YY1: variants seen among roughly 807,000 people sequenced by gnomAD.
YY1 encodes YY1 transcription factor.
YY1 carries 2 observed loss-of-function variants against 35.6 expected under a neutral mutation model. The observed-to-expected ratio is 0.06, with a 90% CI of 0.02 to 0.18. The LOEUF is 0.18. Among genes scored for constraint, YY1 ranks in the 10% least tolerant of loss-of-function variants. The pLI is 1.00. For missense variants in YY1, 322 were observed against 573.4 expected (o/e 0.56, Z 4.48); for synonymous variants, 268 against 238.9 (o/e 1.12, Z -1.12).
At chr14:100,257,336 A>G (rs1026154267) in intron 1 of YY1, among the ~76,000 whole-genome samples, 10 of 152,272 alleles carry the variant, frequency 6.6e-5, no homozygotes, top group Non-Finnish European at 4.4e-5. Flanking sequence ...GAGGCCCTCA[A>G]TATGTGTAGA....
chr14:100,245,187 C>T (rs1041319794), intron 1 of YY1, among the ~76,000 whole-genome samples: 12 of 152,188 alleles, frequency 7.9e-5, no homozygotes, highest in Non-Finnish European at 1.5e-4. Flanking sequence ...CCGCCTGCCT[C>T]GGCCTCCCAA....
intron 1 of YY1, among the ~76,000 whole-genome samples, chr14:100,241,597 T>G (rs138837063): frequency 6.6e-6 from 1 of 152,320 alleles, no homozygotes; most frequent in Non-Finnish European, 1.5e-5. Context: ...ACATGAATAC[T>G]TTAGTACTTA....
At chr14:100,265,656 T>TA (rs1409516087) in intron 2 of YY1, among the ~76,000 whole-genome samples, 1 of 149,180 alleles carries the variant, frequency 6.7e-6, no homozygotes, top group East Asian at 2.0e-4. Context: ...GCTTTTTTTT[T>TA]TTTTTTTTTT....
intron 1 of YY1, among the ~76,000 whole-genome samples, chr14:100,248,121 CTTT>C (rs10694000): frequency 2.5e-5 from 3 of 117,652 alleles, no homozygotes; most frequent in African/African-American, 3.4e-5. Flanking sequence ...ATTTTTTTTT[CTTT>C]TTTTTTTTTT....
rs907070162 is a variant in YY1, at chr14:100,277,296, G to T, written c.1063-122G>T. 1.3e-5 allele frequency: 16 copies of T among 1,244,260 alleles called. No homozygotes were observed. In the African/African-American group the frequency reaches 2.1e-4, roughly 16 times the overall value. 77.1% of individuals were successfully genotyped at this position (1,244,260 alleles called of 1,614,324 possible). A position where few individuals can be genotyped will look rare whatever the true frequency, so the allele number is the denominator to read the frequency against. ...GACTATATCCACAAAGTTCACCCAGGGCAGGAATGAAAAGTGTTTGGTAAA... is the reference window on the plus strand; with the variant it reads ...GACTATATCCACAAAGTTCACCCAGTGCAGGAATGAAAAGTGTTTGGTAAA... On this transcript the variant is annotated intron_variant, in intron 4 of 4. Coordinates refer to ENST00000262238, the MANE Select transcript of YY1 (RefSeq NM_003403.5). This position sits in a 1 kb window ranked among gnomAD's most constrained non-coding sequence, Gnocchi z 5.6.
At chr14:100,269,387 G>C (rs1891201365) in intron 2 of YY1, among the ~76,000 whole-genome samples, 1 of 152,150 alleles carries the variant, frequency 6.6e-6, no homozygotes, top group Admixed American at 6.5e-5. Flanking sequence ...TCACCTCCAA[G>C]TCACACATCC....
chr14:100,247,685 T>C (rs1339789228), intron 1 of YY1, among the ~76,000 whole-genome samples: 2 of 152,224 alleles, frequency 1.3e-5, no homozygotes, highest in Non-Finnish European at 2.9e-5. Flanking sequence ...CACCTTTTCA[T>C]GTGTGATGGA....
chr14:100,275,435 C>G (rs1891304081), intron 3 of YY1, among the ~76,000 whole-genome samples: 1 of 152,122 alleles, frequency 6.6e-6, no homozygotes, highest in South Asian at 2.1e-4. Context: ...CCTTCCTGTT[C>G]TTTGTCAGCG....
At chr14:100,272,954 G>GTTGTTTTTTTT (rs34406679) in intron 2 of YY1, among the ~76,000 whole-genome samples, 1 of 141,202 alleles carries the variant, frequency 7.1e-6, no homozygotes, top group Non-Finnish European at 1.5e-5. Flanking sequence ...GTTTTTTGTT[G>GTTGTTTTTTTT]TTTTTTTTTT....
Position 100,280,844 on chromosome 14 carries a change from A to C in YY1, c.*3244A>C, listed in dbSNP as rs1595337480. 1 of 152,118 alleles carries C rather than the reference A, an allele frequency of 6.6e-6. No individual in the cohort carries two copies. The allele number at this position is 152,118 out of a possible 1,614,324, so 9.4% of individuals were successfully genotyped here. A position where few individuals can be genotyped will look rare whatever the true frequency, so the allele number is the denominator to read the frequency against. ...CACGTCCGTTTGCACTCTGCCTTGC[A>C]AAACTTACTGTGGAGACGTGTCCCA... On this transcript the variant is annotated 3_prime_UTR_variant, in exon 5 of 5. Coordinates refer to ENST00000262238, the MANE Select transcript of YY1 (RefSeq NM_003403.5).
rs1891427572 is a variant in YY1, at chr14:100,281,400, C to T, written c.*3800C>T. On this transcript the variant is annotated 3_prime_UTR_variant, in exon 5 of 5. Transcript: ENST00000262238. ...CTCTGCTGGCTTGCTGAAGCCAGCT[C>T]TGAGTCACAGGGTTGCCTTGGACCC... The T allele has an allele frequency of 6.6e-6, 1 of 152,130 alleles. No individual in the cohort carries two copies. Among genetic ancestry groups the T allele is most frequent in the South Asian group, 2.1e-4 (1 of 4,826 alleles). The allele number at this position is 152,130 out of a possible 1,614,324, so 9.4% of individuals were successfully genotyped here.
intron 2 of YY1, among the ~76,000 whole-genome samples, chr14:100,264,622 G>T (rs1421108979): frequency 1.3e-5 from 2 of 152,230 alleles, no homozygotes; most frequent in African/African-American, 4.8e-5. Flanking sequence ...GCAGTGGGCA[G>T]CTACTGCAGA....
intron 1 of YY1, among the ~76,000 whole-genome samples, chr14:100,252,381 A>G (rs1290955718): frequency 6.6e-6 from 1 of 152,216 alleles, no homozygotes; most frequent in African/African-American, 2.4e-5. Flanking sequence ...AACCTTCTGA[A>G]TAGTACCATA....
chr14:100,253,181 G>C (rs61992940), intron 1 of YY1, among the ~76,000 whole-genome samples: 12,727 of 152,180 alleles, frequency 0.084, 869 homozygotes, highest in African/African-American at 0.18. Flanking sequence ...CCTATAGTGG[G>C]TCCAGACAAT....
intron 1 of YY1, among the ~76,000 whole-genome samples, chr14:100,243,871 C>G (rs1019675973): frequency 1.3e-5 from 2 of 151,740 alleles, no homozygotes; most frequent in Non-Finnish European, 2.9e-5. Context: ...TTTGGGAGGC[C>G]GAGGCGGGTG....
At position 100,282,263 on chromosome 14, in the gene YY1, A is replaced by G. The variant is rs1891447380; in HGVS notation, c.*4663A>G. The G allele has an allele frequency of 6.6e-6, 1 of 150,556 alleles. No individual in the cohort carries two copies. Among genetic ancestry groups the G allele is most frequent in the Non-Finnish European group, 1.5e-5 (1 of 67,784 alleles). 9.3% of individuals were successfully genotyped at this position (150,556 alleles called of 1,614,324 possible). A position where few individuals can be genotyped will look rare whatever the true frequency, so the allele number is the denominator to read the frequency against. ...TTCCACAAGGTGGCAAGTTTGATCA[A>G]ATTGACCGCTTTTCATGAGACACCC... On this transcript the variant is annotated 3_prime_UTR_variant, in exon 5 of 5. Transcript: ENST00000262238.
intron 1 of YY1, among the ~76,000 whole-genome samples, chr14:100,250,429 T>C (rs1160648867): frequency 2.0e-5 from 3 of 152,082 alleles, no homozygotes; most frequent in East Asian, 3.9e-4. Flanking sequence ...AAACAAAATC[T>C]AGCCAAACAT....
intron 1 of YY1, among the ~76,000 whole-genome samples, chr14:100,241,980 G>C (rs1007577796): frequency 3.8e-5 from 1 of 26,388 alleles, no homozygotes; most frequent in African/African-American, 1.5e-4. Flanking sequence ...GTCTCAAAAG[G>C]GGGGGGGGGG....
intron 1 of YY1, among the ~76,000 whole-genome samples, chr14:100,255,608 G>A (rs114877055): frequency 0.012 from 1,866 of 152,288 alleles, 41 homozygotes; most frequent in African/African-American, 0.043. Context: ...GGGACAGAGC[G>A]AGACTCCATC....
Sources: gnomAD v4.1 joint callset for allele counts (sites outside exome capture counted in the v4.1 genomes callset) on GRCh38, gnomAD v4.1.1 for gene constraint, Gnocchi (gnomAD v3.1) non-coding constraint, MANE v1.5 for transcripts, NCBI Gene and HGNC (gene_info 2026-07-23, HGNC 2026-07-21) for gene names.